NME7: variants seen among roughly 807,000 people sequenced by gnomAD.
NME7 encodes the protein nucleoside diphosphate kinase 7.
Under a neutral mutation model 49.1 loss-of-function variants are expected in NME7, and 41 were observed. That is an observed-to-expected ratio of 0.83 (90% CI 0.65 to 1.08). NME7 has a LOEUF of 1.08. Among genes scored for constraint, NME7 ranks in the 50% least tolerant of loss-of-function variants. The probability of loss-of-function intolerance (pLI) is 0.00; values close to 1 mark genes in which losing one functional copy is unlikely to be tolerated. For missense variants in NME7, 423 were observed against 463.4 expected, an observed-to-expected ratio of 0.91 and a Z score of 0.80; for synonymous variants, 139 against 150.6, an observed-to-expected ratio of 0.92 and a Z score of 0.56.
At chr1:169,141,906 T>C (rs1414825431) in intron 11 of NME7, among the ~76,000 whole-genome samples, 1 of 152,218 alleles carries the variant, frequency 6.6e-6, no homozygotes, top group Non-Finnish European at 1.5e-5. Context: ...TGAAAGCATA[T>C]GCTGAGGTAA....
intron 7 of NME7, chr1:169,285,953 AC>A (rs1650261635): frequency 6.6e-6 from 1 of 152,208 alleles, no homozygotes; most frequent in Admixed American, 6.5e-5. Flanking sequence ...TCAAATATTT[AC>A]GTATAAAGAT....
At chr1:169,321,049 C>T (rs1038325854) in intron 3 of NME7, among the ~76,000 whole-genome samples, 2 of 152,006 alleles carry the variant, frequency 1.3e-5, no homozygotes, top group African/African-American at 4.8e-5. Context: ...AGTTAAAATA[C>T]ATAAATTATA....
chr1:169,240,201 T>C (rs1388751589), intron 7 of NME7, among the ~76,000 whole-genome samples: 2 of 151,958 alleles, frequency 1.3e-5, no homozygotes, highest in Non-Finnish European at 2.9e-5. Context: ...CCTTTAAATG[T>C]TAACATAAAT....
chr1:169,282,348 T>C (rs1650056149), intron 7 of NME7, among the ~76,000 whole-genome samples: 1 of 152,228 alleles, frequency 6.6e-6, no homozygotes, highest in Non-Finnish European at 1.5e-5. Context: ...TTTTCTTCTT[T>C]ATTAGTCTGG....
intron 1 of NME7, among the ~76,000 whole-genome samples, chr1:169,351,311 A>G (rs1249452918): frequency 1.3e-5 from 2 of 152,230 alleles, no homozygotes; most frequent in Middle Eastern, 3.4e-3. Context: ...TTGAATGACC[A>G]GTGGGTCAAT....
Position 169,252,345 on chromosome 1 carries a change from A to T in NME7, c.755-14658T>A, listed in dbSNP as rs1234760855. Among the ~76,000 whole-genome samples, 16 of 152,158 alleles carry T rather than the reference A, an allele frequency of 1.1e-4. No individual in the cohort carries two copies. In the South Asian group the frequency reaches 1.5e-3, roughly 14 times the overall value. ...AGCATTTTTTCATGTGTTTTTTGGCAGCATAAATGTCTCCTTTTGAGAAGT... is the reference window on the plus strand; with the variant it reads ...AGCATTTTTTCATGTGTTTTTTGGCTGCATAAATGTCTCCTTTTGAGAAGT... On this transcript the variant is annotated intron_variant, in intron 7 of 11. Transcript: ENST00000367811.
chr1:169,271,153 A>G lies in NME7; in HGVS notation c.754+16150T>C, dbSNP rs769684067. 1.5e-5 allele frequency among the ~76,000 whole-genome samples: 2 copies of G among 133,678 alleles called. 1 individual carries two copies. The highest frequency in any genetic ancestry group is 3.5e-5 in the Non-Finnish European group (2 of 56,914). 87.7% of individuals were successfully genotyped at this position (133,678 alleles called of 152,430 possible). ...ACAGACCAAGAACTCTTTATGTTCT[A>G]GCTCTCTTAGAAATGAGAAGTGAAA... On this transcript the variant is annotated intron_variant, in intron 7 of 11. Transcript: ENST00000367811.
intron 7 of NME7, among the ~76,000 whole-genome samples, chr1:169,250,986 G>T (rs1648548308): frequency 1.3e-5 from 2 of 151,996 alleles, no homozygotes; most frequent in African/African-American, 4.8e-5. Flanking sequence ...TATTTGTCAG[G>T]TCCATTTGTT....
At chr1:169,194,990 A>G (rs559790236) in intron 10 of NME7, among the ~76,000 whole-genome samples, 1 of 152,300 alleles carries the variant, frequency 6.6e-6, no homozygotes, top group African/African-American at 2.4e-5. Context: ...ATTATCACAG[A>G]CAGAAATCAT....
At chr1:169,363,474 G>A (rs1417583007) in intron 1 of NME7, among the ~76,000 whole-genome samples, 1 of 151,950 alleles carries the variant, frequency 6.6e-6, no homozygotes, top group Non-Finnish European at 1.5e-5. Context: ...TTTTAATGCT[G>A]GCTACATACC....
intron 7 of NME7, among the ~76,000 whole-genome samples, chr1:169,250,587 A>G (rs949253272): frequency 1.3e-4 from 20 of 151,908 alleles, no homozygotes; most frequent in African/African-American, 4.1e-4. Flanking sequence ...ATCATCTTTC[A>G]GATTTTTTAA....
intron 11 of NME7, among the ~76,000 whole-genome samples, chr1:169,140,154 AG>A: frequency 6.6e-6 from 1 of 152,216 alleles, no homozygotes; most frequent in Non-Finnish European, 1.5e-5. Context: ...GAAAGACAGA[AG>A]AAAGGATGAT....
At chr1:169,248,172 T>C (rs879682064) in intron 7 of NME7, among the ~76,000 whole-genome samples, 4 of 152,258 alleles carry the variant, frequency 2.6e-5, no homozygotes, top group Middle Eastern at 3.4e-3. Flanking sequence ...TAATAATGGC[T>C]ATTTTTGCAG....
intron 7 of NME7, among the ~76,000 whole-genome samples, chr1:169,264,671 C>T (rs1228948909): frequency 1.5e-5 from 2 of 133,010 alleles, no homozygotes; most frequent in East Asian, 4.0e-4. Context: ...TAGTGGGAGA[C>T]ATCAACACCC....
In NME7 at chr1:169,274,033, A is replaced by G. The variant is rs1412746631; in HGVS notation, c.754+13270T>C. Among the ~76,000 whole-genome samples the G allele has an allele frequency of 5.3e-5, 7 of 131,392 alleles. 1 individual carries two copies. Among genetic ancestry groups the G allele is most frequent in the African/African-American group, 1.8e-4 (7 of 38,942 alleles). The allele number at this position is 131,392 out of a possible 152,430, so 86.2% of individuals were successfully genotyped here. On this transcript the variant is annotated intron_variant, in intron 7 of 11. Transcript: ENST00000367811. ...ATTTCTAGTTCTAGATCCCTGAGGA[A>G]TCGCCACACTGACTTCCACAATGGT...
rs138196714 is a variant in NME7, at chr1:169,313,793, A to T, written c.279-3713T>A. On this transcript the variant is annotated intron_variant, in intron 3 of 11. Transcript: ENST00000367811. ...GATAATCAGAGAAAAACTGTAAAGTATCTGTGCAAACTATGGTTAAAGGAC... is the reference window on the plus strand; with the variant it reads ...GATAATCAGAGAAAAACTGTAAAGTTTCTGTGCAAACTATGGTTAAAGGAC... 2.3e-3 allele frequency among the ~76,000 whole-genome samples: 347 copies of T among 152,300 alleles called. 1 individual carries two copies. Among genetic ancestry groups the T allele is most frequent in the Non-Finnish European group, 3.5e-3 (237 of 68,014 alleles).
chr1:169,216,594 T>C (rs1660979517), intron 10 of NME7, among the ~76,000 whole-genome samples: 1 of 152,202 alleles, frequency 6.6e-6, no homozygotes, highest in Admixed American at 6.5e-5. Context: ...TTAATCAAAC[T>C]CAAAGTGGGG....
Sources: allele counts gnomAD v4.1 joint callset (sites outside exome capture counted in the v4.1 genomes callset), GRCh38; gene constraint gnomAD v4.1.1; transcripts MANE v1.5; gene names NCBI Gene and HGNC (gene_info 2026-07-23, HGNC 2026-07-21).